DENND1A: variants seen among roughly 807,000 people sequenced by gnomAD.
DENND1A encodes DENN domain containing 1A, also known as DENN domain-containing protein 1A.
A neutral mutation model predicts 113.7 loss-of-function variants in DENND1A; 51 were observed. That is an observed-to-expected ratio of 0.45 (90% CI 0.36 to 0.57). DENND1A has a LOEUF of 0.57. Among genes scored for constraint, DENND1A ranks in the 20% least tolerant of loss-of-function variants. The pLI is 0.00. For synonymous variants in DENND1A, 565 were observed against 570.8 expected (o/e 0.99, Z 0.14); for missense variants, 1,258 against 1,395.9 (o/e 0.90, Z 1.57).
intron 13 of DENND1A, among the ~76,000 whole-genome samples, chr9:123,507,156 T>G (rs922775906): frequency 6.6e-5 from 10 of 151,934 alleles, no homozygotes; most frequent in African/African-American, 2.4e-4. Flanking sequence ...ACCATTGCAC[T>G]CCAGCCTGGG....
intron 1 of DENND1A, among the ~76,000 whole-genome samples, chr9:123,905,322 C>T (rs570524822): frequency 6.6e-6 from 1 of 150,604 alleles, no homozygotes; most frequent in East Asian, 1.9e-4. Context: ...AACCAGCTAA[C>T]ATCATAATGA....
chr9:123,915,672 C>T, intron 1 of DENND1A, among the ~76,000 whole-genome samples: 1 of 151,968 alleles, frequency 6.6e-6, no homozygotes, highest in East Asian at 1.9e-4. Context: ...AGTTAATTAA[C>T]AGAGAGAGAT....
At chr9:123,674,340 TCTCACACACACACACACA>T (rs1484679581) in intron 6 of DENND1A, among the ~76,000 whole-genome samples, 6 of 127,738 alleles carry the variant, frequency 4.7e-5, no homozygotes, top group East Asian at 2.2e-4. Context: ...TCTGTCTCTC[TCTCACACACACACACACA>T]CACACACACA....
intron 2 of DENND1A, among the ~76,000 whole-genome samples, chr9:123,842,162 T>C (rs910415088): frequency 2.0e-5 from 3 of 152,190 alleles, no homozygotes; most frequent in Non-Finnish European, 4.4e-5. Context: ...GACAGATGTG[T>C]AGAAGTACAC....
intron 2 of DENND1A, among the ~76,000 whole-genome samples, chr9:123,823,128 C>T (rs1378349576): frequency 6.6e-6 from 1 of 152,162 alleles, no homozygotes; most frequent in Non-Finnish European, 1.5e-5. Context: ...GAATAAAACA[C>T]AGTCTATACC....
At chr9:123,385,454 C>T (rs761242595) in intron 22 of DENND1A, among the ~76,000 whole-genome samples, 1 of 152,220 alleles carries the variant, frequency 6.6e-6, no homozygotes, top group Non-Finnish European at 1.5e-5. Context: ...TGAGCCATTG[C>T]GCCTGGCCAC....
chr9:123,905,067 A>C (rs1030297251), intron 1 of DENND1A, among the ~76,000 whole-genome samples: 6 of 152,016 alleles, frequency 3.9e-5, no homozygotes, highest in African/African-American at 1.5e-4. Flanking sequence ...ATTCTTAAAG[A>C]AAAGAATTTT....
intron 19 of DENND1A, among the ~76,000 whole-genome samples, chr9:123,433,807 T>C (rs911201008): frequency 2.0e-5 from 3 of 152,220 alleles, no homozygotes; most frequent in Non-Finnish European, 4.4e-5. Flanking sequence ...CAAGGGATGA[T>C]GGGCCCCTCC....
intron 10 of DENND1A, among the ~76,000 whole-genome samples, chr9:123,614,524 T>C (rs1166571699): frequency 1.3e-5 from 2 of 152,016 alleles, no homozygotes; most frequent in African/African-American, 4.8e-5. Flanking sequence ...CTGTTAATCA[T>C]GTTCCCCTGA....
At chr9:123,414,484 C>T (rs987154373) in intron 19 of DENND1A, 27 of 1,531,152 alleles carry the variant, frequency 1.8e-5, no homozygotes, top group Middle Eastern at 1.7e-4. Flanking sequence ...TGAGAAACAC[C>T]ATCCTGGGAG....
chr9:123,605,713 C>T (rs778068763), intron 11 of DENND1A, among the ~76,000 whole-genome samples: 18 of 152,124 alleles, frequency 1.2e-4, no homozygotes, highest in Non-Finnish European at 2.4e-4. Context: ...AGAGCATGAA[C>T]CAGAATTAGG....
At position 123,774,693 on chromosome 9, in the gene DENND1A, T is replaced by C. The variant is rs538145207; in HGVS notation, c.133-5130A>G. ...GTCTGCTTCCTTTCTTTGGTACATT[T>C]CAATATTTACCCCTAGTTTACTTTT... On this transcript the variant is annotated intron_variant, in intron 3 of 23. Transcript: ENST00000394215. Among the ~76,000 whole-genome samples the C allele has an allele frequency of 4.6e-5, 7 of 152,318 alleles. No homozygotes were observed. In the South Asian group the frequency reaches 1.4e-3, roughly 32 times the overall value.
intron 13 of DENND1A, among the ~76,000 whole-genome samples, chr9:123,556,482 A>C (rs971517982): frequency 3.9e-5 from 6 of 152,266 alleles, no homozygotes; most frequent in Non-Finnish European, 8.8e-5. Flanking sequence ...CCCTGCTCAC[A>C]ATCAGAATTT....
chr9:123,526,576 C>T (rs1290046094), intron 13 of DENND1A, among the ~76,000 whole-genome samples: 2 of 152,206 alleles, frequency 1.3e-5, no homozygotes, highest in African/African-American at 4.8e-5. Context: ...TCCGCCACCT[C>T]GACATTGAAA....
chr9:123,453,103 C>A (rs540117111), intron 16 of DENND1A, among the ~76,000 whole-genome samples: 49 of 152,280 alleles, frequency 3.2e-4, no homozygotes, highest in African/African-American at 1.1e-3. Flanking sequence ...TCCGTGAATC[C>A]ATTTCTCAGT....
At chr9:123,635,340 A>G (rs2061651878) in intron 9 of DENND1A, among the ~76,000 whole-genome samples, 1 of 152,254 alleles carries the variant, frequency 6.6e-6, no homozygotes, top group African/African-American at 2.4e-5. Context: ...TTCACAGATT[A>G]GGAAACAGTT....
chr9:123,564,362 A>G (rs1174679161), intron 12 of DENND1A, among the ~76,000 whole-genome samples: 4 of 152,188 alleles, frequency 2.6e-5, no homozygotes, highest in Non-Finnish European at 5.9e-5. Flanking sequence ...GCACCTTAAG[A>G]TTTCTCAGCT....
At chr9:123,535,750 CTGGCT>C (rs2055709514) in intron 13 of DENND1A, among the ~76,000 whole-genome samples, 1 of 152,222 alleles carries the variant, frequency 6.6e-6, no homozygotes, top group Admixed American at 6.5e-5. Context: ...AACACCTCCC[CTGGCT>C]TTGCTACCCC....
intron 2 of DENND1A, among the ~76,000 whole-genome samples, chr9:123,796,492 C>A (rs545863210): frequency 1.3e-5 from 2 of 152,192 alleles, no homozygotes; most frequent in South Asian, 4.1e-4. Context: ...CAGTCTTCTA[C>A]TATACATACT....
Sources: gnomAD v4.1 joint callset for allele counts (sites outside exome capture counted in the v4.1 genomes callset) on GRCh38, gnomAD v4.1.1 for gene constraint, MANE v1.5 for transcripts, NCBI Gene and HGNC (gene_info 2026-07-23, HGNC 2026-07-21) for gene names.